MYH13: variants seen among roughly 807,000 people sequenced by gnomAD.
MYH13 encodes myosin heavy chain 13.
Under a neutral mutation model 232.1 loss-of-function variants are expected in MYH13, and 177 were observed. The observed-to-expected ratio is 0.76, with a 90% CI of 0.67 to 0.86. MYH13 has a LOEUF of 0.86. Ranked by LOEUF, MYH13 falls within the 40% of genes least tolerant of loss-of-function variation. The probability of loss-of-function intolerance (pLI) is 0.00; values close to 1 mark genes in which losing one functional copy is unlikely to be tolerated. For missense variants in MYH13, 2,246 were observed against 2,405.9 expected, an observed-to-expected ratio of 0.93 and a Z score of 1.39; for synonymous variants, 884 against 923.5, an observed-to-expected ratio of 0.96 and a Z score of 0.78.
intron 23 of MYH13, 44 bp downstream of exon 23, chr17:10,323,978 T>G: frequency 6.2e-7 from 1 of 1,603,688 alleles, no homozygotes; most frequent in Non-Finnish European, 8.5e-7. Flanking sequence ...AGAGAGAGAG[T>G]GAAGCCTGTT....
chr17:10,311,186 T>G lies in MYH13; in HGVS notation c.4573A>C (p.Lys1525Gln). 1.2e-6 allele frequency: 2 copies of G among 1,614,078 alleles called. No homozygotes were observed. Among genetic ancestry groups the G allele is most frequent in the Non-Finnish European group, 1.7e-6 (2 of 1,179,898 alleles). ...DLTEQIAETGKNLQEAEKTKK... is the reference protein window; with the variant it reads ...DLTEQIAETGQNLQEAEKTKK... ...GTCTTTTCCGCTTCCTGAAGATTCT[T>G]GCCAGTTTCTGCAATCTGCTCAGTT... Residue 1525 changes from lysine to glutamine, a missense_variant, in exon 33 of 41, where the codon AAG (lysine) becomes CAG (glutamine). Physicochemically the swap from Lys to Gln is moderately conservative, Grantham distance 53. Coordinates refer to ENST00000252172, the MANE Select transcript of MYH13 (RefSeq NM_003802.3).
chr17:10,354,200 C>T (rs1027133435), intron 11 of MYH13, among the ~76,000 whole-genome samples: 1 of 152,028 alleles, frequency 6.6e-6, no homozygotes, highest in Non-Finnish European at 1.5e-5. Flanking sequence ...AAATAAACAC[C>T]ACAGGCCTGA....
chr17:10,370,871 A>G (rs75509188), intron 2 of MYH13, among the ~76,000 whole-genome samples: 5,348 of 152,328 alleles, frequency 0.035, 143 homozygotes, highest in Non-Finnish European at 0.055. Context: ...ACTCTGCTCA[A>G]GGAGCAGCAA....
At position 10,362,120 on chromosome 17, in the gene MYH13, G is replaced by C; in HGVS notation, c.503C>G (p.Thr168Ser). The C allele has an allele frequency of 6.2e-7, 1 of 1,613,958 alleles. No individual in the cohort carries two copies. Among genetic ancestry groups the C allele is most frequent in the Non-Finnish European group, 8.5e-7 (1 of 1,179,874 alleles). Residue 168 changes from threonine to serine, a missense_variant and splice_region_variant, in exon 5 of 41, where the codon ACT (threonine) becomes AGT (serine). Transcript: ENST00000252172. ...ISDNAYQFML[T>S]DRDNQSILIT... ...TATGAATCAAAGAAATTACTCACCA[G>C]TCAGCATGAACTGATAGGCATTGTC...
Position 10,304,197 on chromosome 17 carries a change from C to T in MYH13, c.5467-699G>A, listed in dbSNP as rs1019048785. Among the ~76,000 whole-genome samples the T allele has an allele frequency of 6.6e-6, 1 of 152,172 alleles. No individual in the cohort carries two copies. Among genetic ancestry groups the T allele is most frequent in the Non-Finnish European group, 1.5e-5 (1 of 68,030 alleles). The stretch of plus-strand genomic sequence containing the variant: ...TGGGTTGATGGGTGCAGCAAACCAA[C>T]ATAGCACGTTTATACCTATGTAATA... On this transcript the variant is annotated intron_variant, in intron 37 of 40. Transcript: ENST00000252172. This position sits in a 1 kb window ranked among gnomAD's most constrained non-coding sequence, Gnocchi z 5.3.
At chr17:10,326,319 T>G (rs192532441) in intron 22 of MYH13, among the ~76,000 whole-genome samples, 2 of 152,298 alleles carry the variant, frequency 1.3e-5, no homozygotes, top group Admixed American at 6.5e-5. Context: ...CTATAGTGAT[T>G]GGGAAAGTGA....
At chr17:10,339,212 T>C (rs2071602067) in intron 18 of MYH13, among the ~76,000 whole-genome samples, 1 of 152,064 alleles carries the variant, frequency 6.6e-6, no homozygotes, top group African/African-American at 2.4e-5. Context: ...AGCTACCCCA[T>C]AGCCACAGCT....
intron 20 of MYH13, among the ~76,000 whole-genome samples, chr17:10,331,252 C>T (rs4791404): frequency 0.51 from 77,920 of 152,040 alleles, 21,916 homozygotes; most frequent in Non-Finnish European, 0.64. Flanking sequence ...AGGCCCACTT[C>T]GCCCACTCCC....
At chr17:10,340,481 C>G (rs557663159) in intron 16 of MYH13, 80 bp from the exon 17 acceptor site, 3 of 1,069,734 alleles carry the variant, frequency 2.8e-6, no homozygotes, top group African/African-American at 3.2e-5. Flanking sequence ...CTGTTCCCAG[C>G]CCCGAGTTCT....
Position 10,303,480 on chromosome 17 carries a change from C to A in MYH13, c.5485G>T (p.Glu1829Ter). 2 of 1,613,982 alleles carry A rather than the reference C, an allele frequency of 1.2e-6. No homozygotes were observed. The highest frequency in any genetic ancestry group is 2.2e-5 in the East Asian group (1 of 44,890). Residue 1829 changes from glutamate to a stop codon, truncating the protein, a stop_gained, in exon 38 of 41, where the codon GAG (glutamate) becomes TAG (stop). Transcript: ENST00000252172. LOFTEE classifies it high-confidence loss of function. ...CCCCTCTTCTGTTCCACATCAAGCTCATTTTCCAGCTCCCGCACCTGAGTA... is the reference window on the plus strand; with the variant it reads ...CCCCTCTTCTGTTCCACATCAAGCTAATTTTCCAGCTCCCGCACCTGAGTA... ...LENRVRELEN[E>*]LDVEQKRGAE...
In MYH13 at chr17:10,329,274, C is replaced by T. The variant is rs185352122; in HGVS notation, c.2435+1113G>A. The stretch of plus-strand genomic sequence containing the variant: ...AGGCTCCCTCCCACACTCCCCTCTC[C>T]CTCCAATCCCTGCAGGTGACTAGTC... On this transcript the variant is annotated intron_variant, in intron 21 of 40. Coordinates refer to ENST00000252172, the MANE Select transcript of MYH13 (RefSeq NM_003802.3). Among the ~76,000 whole-genome samples, 3 of 152,286 alleles carry T rather than the reference C, an allele frequency of 2.0e-5. No homozygotes were observed. In the East Asian group the frequency reaches 5.8e-4, roughly 29 times the overall value.
At chr17:10,333,522 A>G (rs534996249) in intron 18 of MYH13, among the ~76,000 whole-genome samples, 1 of 152,156 alleles carries the variant, frequency 6.6e-6, no homozygotes, top group African/African-American at 2.4e-5. Flanking sequence ...TGGGCTTCCC[A>G]TGGGATAACC....
At chr17:10,342,303 T>C (rs1218307941) in intron 16 of MYH13, among the ~76,000 whole-genome samples, 1 of 152,120 alleles carries the variant, frequency 6.6e-6, no homozygotes, top group Non-Finnish European at 1.5e-5. Flanking sequence ...AAATGATCCT[T>C]CTGCCTCAGC....
rs1265102492 is a variant in MYH13 at position 10,330,450 on chromosome 17, C to T, written c.2372G>A (p.Ser791Asn). 6.2e-7 allele frequency: 1 copy of T among 1,613,374 alleles called. No homozygotes were observed. Among genetic ancestry groups the T allele is most frequent in the East Asian group, 2.2e-5 (1 of 44,878 alleles). The change falls in exon 21 of 41, where the codon AGC (serine) becomes AAC (asparagine). Residue 791 changes from serine (S) to asparagine (N), a missense_variant. Coordinates refer to ENST00000252172, the MANE Select transcript of MYH13 (RefSeq NM_003802.3). ...GTACCCCCTGCACACCGCCTGCGTG[C>T]TTGTCATCAGCGTCACCAGCTTCTC... is the stretch of plus-strand genomic sequence containing the variant. ...RDEKLVTLMT[S>N]TQAVCRGYLM...
chr17:10,364,206 G>A (rs2071815064), intron 3 of MYH13, 121 bp downstream of exon 3: 4 of 1,055,466 alleles, frequency 3.8e-6, no homozygotes, highest in Non-Finnish European at 5.6e-6. Context: ...CCGCAGAACA[G>A]ATAAACTAAG....
chr17:10,312,076 C>T lies in MYH13; in HGVS notation c.4366G>A (p.Val1456Ile). 1.2e-6 allele frequency: 2 copies of T among 1,613,520 alleles called. No individual in the cohort carries two copies. Among genetic ancestry groups the T allele is most frequent in the Non-Finnish European group, 1.7e-6 (2 of 1,179,866 alleles). ...LDKKQRNFDKVLAEWKQKLDE... is the reference protein window; with the variant it reads ...LDKKQRNFDKILAEWKQKLDE... ...AGCTTTTGCTTCCACTCTGCAAGGACCTGGGAGATGACAAAGGGACATGGG... is the reference window on the plus strand; with the variant it reads ...AGCTTTTGCTTCCACTCTGCAAGGATCTGGGAGATGACAAAGGGACATGGG... The change falls in exon 32 of 41, where the codon GTC becomes ATC. Residue 1456 changes from valine to isoleucine, a missense_variant and splice_region_variant. By Grantham distance (29) the Val-to-Ile change is conservative. Transcript: ENST00000252172.
chr17:10,333,687 G>A (rs564399290), intron 18 of MYH13, among the ~76,000 whole-genome samples: 42 of 152,222 alleles, frequency 2.8e-4, no homozygotes, highest in Non-Finnish European at 5.0e-4. Flanking sequence ...TGGGTGTATC[G>A]CCTGAGGTCA....
intron 2 of MYH13, among the ~76,000 whole-genome samples, chr17:10,367,925 G>A (rs1001724669): frequency 2.6e-5 from 4 of 152,172 alleles, no homozygotes; most frequent in African/African-American, 9.7e-5. Flanking sequence ...AACTTGACAA[G>A]TGGTAGTTTC....
chr17:10,303,205 A>G lies in MYH13; in HGVS notation c.5658T>C (p.Ala1886=). The G allele has an allele frequency of 6.2e-7, 1 of 1,612,910 alleles. No homozygotes were observed. The highest frequency in any genetic ancestry group is 8.5e-7 in the Non-Finnish European group (1 of 1,179,952). ...QAKVKSYKRQ[A]EEAEEQANTQ... ...GACCTCCTGTGCTTACCGCCTCCTC[A>G]GCCTGCCTCTTGTAAGACTTCACTT... The change falls in exon 39 of 41, where the codon GCT becomes GCC. Residue 1886 remains alanine (A), a synonymous_variant. Coordinates refer to ENST00000252172, the MANE Select transcript of MYH13 (RefSeq NM_003802.3).
Sources: allele counts gnomAD v4.1 joint callset (sites outside exome capture counted in the v4.1 genomes callset), GRCh38; gene constraint gnomAD v4.1.1; non-coding constraint Gnocchi (gnomAD v3.1); transcripts MANE v1.5; gene names NCBI Gene and HGNC (gene_info 2026-07-23, HGNC 2026-07-21).